Variants in EVA1A observed in about 807,000 individuals in gnomAD.
EVA1A encodes eva-1 homolog A, regulator of programmed cell death, also known as protein eva-1 homolog A.
In EVA1A, 7 loss-of-function variants were observed where a neutral mutation model predicts 9.8. The observed-to-expected ratio is 0.71, with a 90% CI of 0.41 to 1.34. The LOEUF (loss-of-function observed/expected upper bound fraction) is 1.34. EVA1A is among the 40% of genes most tolerant of loss of function. The pLI, the probability that EVA1A is intolerant of heterozygous loss-of-function variation, is 0.01. For synonymous variants in EVA1A, 90 were observed against 85.6 expected (o/e 1.05, Z -0.28); for missense variants, 206 against 205.9 (o/e 1.00, Z 0.00).
chr2:75,510,274 T>C (rs1674763467), intron 3 of EVA1A, among the ~76,000 whole-genome samples: 1 of 152,172 alleles, frequency 6.6e-6, no homozygotes, highest in African/African-American at 2.4e-5. Context: ...AAAAGTTAAA[T>C]ATTAAAAAAT....
chr2:75,534,192 T>C (rs528061022), intron 1 of EVA1A, among the ~76,000 whole-genome samples: 8 of 152,194 alleles, frequency 5.3e-5, no homozygotes, highest in African/African-American at 1.7e-4. Context: ...TGAGCTATGA[T>C]TGTGCCACGG....
chr2:75,561,980 C>T (rs1676935225), upstream of EVA1A, among the ~76,000 whole-genome samples: 1 of 152,150 alleles, frequency 6.6e-6, no homozygotes, highest in Non-Finnish European at 1.5e-5. Context: ...TGACTAGAAT[C>T]CCAGAGTGCC....
chr2:75,514,766 C>G (rs966882444), intron 3 of EVA1A, among the ~76,000 whole-genome samples: 9 of 152,130 alleles, frequency 5.9e-5, no homozygotes, highest in African/African-American at 2.2e-4. Flanking sequence ...TGAGATCAAT[C>G]ATCCTCACAG....
intron 3 of EVA1A, among the ~76,000 whole-genome samples, chr2:75,507,249 T>C (rs796276380): frequency 6.6e-6 from 1 of 152,210 alleles, no homozygotes; most frequent in Admixed American, 6.5e-5. Context: ...TCAACAGGCC[T>C]GAAGTTTGCT....
At chr2:75,502,636 G>A (rs569143023) in intron 3 of EVA1A, among the ~76,000 whole-genome samples, 1 of 152,264 alleles carries the variant, frequency 6.6e-6, no homozygotes, top group South Asian at 2.1e-4. Context: ...GAAAGAGGGA[G>A]GAAGACATTA....
At chr2:75,523,305 T>G (rs1375370063) in intron 1 of EVA1A, among the ~76,000 whole-genome samples, 2 of 152,196 alleles carry the variant, frequency 1.3e-5, no homozygotes, top group Non-Finnish European at 2.9e-5. Context: ...AAGCATGGGA[T>G]GGGTAACTGT....
At chr2:75,508,978 A>G (rs796120597) in intron 3 of EVA1A, among the ~76,000 whole-genome samples, 2 of 152,074 alleles carry the variant, frequency 1.3e-5, no homozygotes, top group African/African-American at 4.8e-5. Context: ...CTACTCTCAC[A>G]TGACTTGATT....
chr2:75,497,225 T>C (rs924740275), intron 3 of EVA1A, among the ~76,000 whole-genome samples: 1 of 151,926 alleles, frequency 6.6e-6, no homozygotes. Context: ...CACAGCAAAA[T>C]AAACTATCAA....
At chr2:75,496,069 G>A (rs544047014) in intron 3 of EVA1A, among the ~76,000 whole-genome samples, 1 of 152,260 alleles carries the variant, frequency 6.6e-6, no homozygotes, top group South Asian at 2.1e-4. Flanking sequence ...CAATGCTGAG[G>A]TGTCATATAT....
At chr2:75,551,417 A>G (rs1424812743) in intron 1 of EVA1A, among the ~76,000 whole-genome samples, 13 of 152,096 alleles carry the variant, frequency 8.5e-5, no homozygotes, top group Admixed American at 7.9e-4. Flanking sequence ...TCATTCTTCC[A>G]TATCATTTGA....
At chr2:75,562,083 T>C (rs553906426), upstream of EVA1A, among the ~76,000 whole-genome samples, 60 of 152,330 alleles carry the variant, frequency 3.9e-4, 3 homozygotes, top group African/African-American at 1.4e-3. Context: ...GGGCCGCACT[T>C]GAACCACTGG....
chr2:75,495,852 A>G (rs916387003), intron 3 of EVA1A, among the ~76,000 whole-genome samples: 3 of 152,232 alleles, frequency 2.0e-5, no homozygotes, highest in African/African-American at 7.2e-5. Context: ...AATCTTTAAA[A>G]TAGCCCACTT....
intron 1 of EVA1A, among the ~76,000 whole-genome samples, chr2:75,559,703 G>GGGGGGC (rs1676849366): frequency 7.4e-6 from 1 of 135,562 alleles, no homozygotes; most frequent in Non-Finnish European, 1.6e-5. Flanking sequence ...GAGGTGGGGG[G>GGGGGGC]GGGGCGGGGG....
At chr2:75,564,502 C>A (rs924933000), upstream of EVA1A, among the ~76,000 whole-genome samples, 2 of 152,198 alleles carry the variant, frequency 1.3e-5, no homozygotes, top group African/African-American at 4.8e-5. Context: ...AGCAGGGAAC[C>A]ACAATCCGCC....
At chr2:75,556,760 T>C (rs749136294) in intron 1 of EVA1A, among the ~76,000 whole-genome samples, 2 of 152,116 alleles carry the variant, frequency 1.3e-5, no homozygotes, top group Non-Finnish European at 2.9e-5. Context: ...CCACCTCAGA[T>C]CACCAAACAT....
intron 3 of EVA1A, among the ~76,000 whole-genome samples, chr2:75,516,938 T>C (rs1675029412): frequency 6.6e-6 from 1 of 152,176 alleles, no homozygotes; most frequent in Non-Finnish European, 1.5e-5. Context: ...AAGGAGGCCC[T>C]GGACTTCCTT....
intron 3 of EVA1A, among the ~76,000 whole-genome samples, chr2:75,517,208 A>T (rs1675040897): frequency 6.6e-6 from 1 of 152,150 alleles, no homozygotes; most frequent in South Asian, 2.1e-4. Context: ...TTGCATTTCA[A>T]CTCTTAGACC....
At chr2:75,568,214 G>A (rs1677061333) in intron 1 of EVA1A, among the ~76,000 whole-genome samples, 1 of 151,492 alleles carries the variant, frequency 6.6e-6, no homozygotes, top group Admixed American at 6.6e-5. Context: ...TCTTCCCACT[G>A]TCTCCTTCCT....
At chr2:75,558,965 G>A (rs1008775179) in intron 1 of EVA1A, among the ~76,000 whole-genome samples, 1 of 152,186 alleles carries the variant, frequency 6.6e-6, no homozygotes, top group Non-Finnish European at 1.5e-5. Flanking sequence ...GACCTGCTGT[G>A]GATTTGGCAA....
Sources: gnomAD v4.1 joint callset for allele counts (sites outside exome capture counted in the v4.1 genomes callset) on GRCh38, gnomAD v4.1.1 for gene constraint, MANE v1.5 for transcripts, NCBI Gene and HGNC (gene_info 2026-07-23, HGNC 2026-07-21) for gene names.